The following SPTBN4 variants were observed in gnomAD, a reference collection of about 807,000 sequenced individuals.
The protein encoded by SPTBN4 is spectrin beta chain, non-erythrocytic 4.
In SPTBN4, 96 loss-of-function variants were observed where a neutral mutation model predicts 277.8. The ratio of observed to expected loss-of-function variants is 0.35; its 90% confidence interval spans 0.29 to 0.41. The LOEUF (loss-of-function observed/expected upper bound fraction) is 0.41. Among genes scored for constraint, SPTBN4 ranks in the 10% least tolerant of loss-of-function variants. The pLI, the probability that SPTBN4 is intolerant of heterozygous loss-of-function variation, is 1.00. For missense variants in SPTBN4, 3,006 were observed against 3,595.7 expected (o/e 0.84, Z 4.19); for synonymous variants, 1,481 against 1,580.3 (o/e 0.94, Z 1.49).
chr19:40,504,658 G>A (rs2080304093), intron 12 of SPTBN4, among the ~76,000 whole-genome samples: 1 of 149,194 alleles, frequency 6.7e-6, no homozygotes, highest in Non-Finnish European at 1.5e-5. Flanking sequence ...GACAGAGCGA[G>A]ACTCCGTCTC....
intron 17 of SPTBN4, among the ~76,000 whole-genome samples, chr19:40,526,040 C>T (rs1426373678): frequency 6.6e-6 from 1 of 152,100 alleles, no homozygotes; most frequent in Non-Finnish European, 1.5e-5. Flanking sequence ...GAGCTGGGGA[C>T]TGGGGCCCTG....
At chr19:40,553,696 G>T (rs2080943695) in intron 22 of SPTBN4, among the ~76,000 whole-genome samples, 1 of 152,202 alleles carries the variant, frequency 6.6e-6, no homozygotes, top group Non-Finnish European at 1.5e-5. Context: ...TCCGCACGCT[G>T]ATCTGGGCAC....
chr19:40,533,991 C>G, intron 19 of SPTBN4, 89 bp from the exon 20 acceptor site: 1 of 1,446,754 alleles, frequency 6.9e-7, no homozygotes, highest in African/African-American at 1.4e-5. Context: ...ACATCCTTCC[C>G]TGTGTCCTGT....
At chr19:40,570,832 C>T in intron 33 of SPTBN4, 104 bp downstream of exon 33, 1 of 1,287,790 alleles carries the variant, frequency 7.8e-7, no homozygotes, top group Non-Finnish European at 1.0e-6. Context: ...TTCAGGCCCT[C>T]CAGCAGGTGG....
At chr19:40,570,853 T>G (rs2081149415) in intron 33 of SPTBN4, 125 bp downstream of exon 33, 26 of 863,128 alleles carry the variant, frequency 3.0e-5, no homozygotes, top group South Asian at 1.9e-4. Context: ...CGGTAGTAGG[T>G]GGGGCCAGAG....
chr19:40,524,345 TAA>T (rs879363418), intron 17 of SPTBN4, among the ~76,000 whole-genome samples: 34 of 132,056 alleles, frequency 2.6e-4, no homozygotes, highest in Admixed American at 3.8e-4. Context: ...TCTCTAAAAT[TAA>T]AAAAAAAAAA....
chr19:40,571,965 A>C, intron 33 of SPTBN4, 54 bp from the exon 34 acceptor site: 4 of 1,486,292 alleles, frequency 2.7e-6, no homozygotes, highest in Non-Finnish European at 3.6e-6. Flanking sequence ...GTTAATGAAG[A>C]GTTATTAGGC....
At chr19:40,487,620 G>A in intron 2 of SPTBN4, 77 bp from the exon 3 acceptor site, 1 of 1,531,160 alleles carries the variant, frequency 6.5e-7, no homozygotes, top group East Asian at 2.3e-5. Context: ...AGAGAGCTGG[G>A]TCTGAGCAGG....
At chr19:40,507,831 C>G (rs960324178) in intron 13 of SPTBN4, among the ~76,000 whole-genome samples, 1 of 152,144 alleles carries the variant, frequency 6.6e-6, no homozygotes, top group Non-Finnish European at 1.5e-5. Context: ...AGCGAGACTC[C>G]TTCTCAAAAC....
intron 2 of SPTBN4, among the ~76,000 whole-genome samples, chr19:40,474,670 C>T (rs1440163862): frequency 1.3e-5 from 2 of 151,976 alleles, no homozygotes; most frequent in Admixed American, 6.6e-5. Flanking sequence ...GAGGCTGAGG[C>T]GGATGGATCA....
intron 18 of SPTBN4, among the ~76,000 whole-genome samples, chr19:40,529,696 C>T (rs2090218893): frequency 6.6e-6 from 1 of 152,140 alleles, no homozygotes; most frequent in South Asian, 2.1e-4. Flanking sequence ...TCTTCCCCTC[C>T]TTCCCTTGCA....
chr19:40,571,890 A>G, intron 33 of SPTBN4, 129 bp from the exon 34 acceptor site: 1 of 1,080,250 alleles, frequency 9.3e-7, no homozygotes, highest in South Asian at 2.1e-5. Context: ...AGGTCCAACT[A>G]GGGCGCAACT....
At chr19:40,505,729 AG>A (rs1215198004) in intron 12 of SPTBN4, among the ~76,000 whole-genome samples, 3 of 151,170 alleles carry the variant, frequency 2.0e-5, no homozygotes, top group African/African-American at 7.3e-5. Context: ...GAAGGAAGGA[AG>A]GAAGGAAGGA....
At chr19:40,513,660 C>A in intron 14 of SPTBN4, 106 bp downstream of exon 14, 1 of 1,201,886 alleles carries the variant, frequency 8.3e-7, no homozygotes, top group Non-Finnish European at 1.1e-6. Flanking sequence ...CTAGGAGTTC[C>A]AATCCCTGCT....
Position 40,504,141 on chromosome 19 carries a change from G to GGC in SPTBN4, c.1665+10_1665+11insCG, listed in dbSNP as rs765921397. 3.9e-6 allele frequency: 5 copies of GGC among 1,280,060 alleles called. No homozygotes were observed. The African/African-American group carries it at 5.2e-5, about 13-fold the overall frequency. The allele number at this position is 1,280,060 out of a possible 1,614,324, so 79.3% of individuals were successfully genotyped here. A position where few individuals can be genotyped will look rare whatever the true frequency, so the allele number is the denominator to read the frequency against. ...GGATGGAGGAGATGCAGGTGCCGGC[G>GGC]GGGGGGCGGGGATGCGGGTGGAGTG... On this transcript the variant is annotated intron_variant, in intron 12 of 35. Coordinates refer to ENST00000598249, the MANE Select transcript of SPTBN4 (RefSeq NM_020971.3).
chr19:40,552,488 AAAAG>A (rs1396118802), intron 22 of SPTBN4, among the ~76,000 whole-genome samples: 2 of 152,000 alleles, frequency 1.3e-5, no homozygotes, highest in African/African-American at 2.4e-5. Context: ...TAAAAAAAAA[AAAAG>A]ATTTACTGTG....
chr19:40,561,480 C>G (rs1024508008), intron 27 of SPTBN4, among the ~76,000 whole-genome samples: 4 of 152,222 alleles, frequency 2.6e-5, no homozygotes, highest in Admixed American at 2.6e-4. Context: ...AGGCCAAGCA[C>G]TTGCCCTGAG....
Position 40,520,136 on chromosome 19 carries a change from G to T in SPTBN4, c.3639G>T (p.Val1213=). ...LFLRDLRQAL[V]VLRNQEMALS... is the part of the protein sequence containing the mutation. Reference sequence around the variant, plus strand: ...TGCGGGATCTACGCCAGGCGCTCGTGGTGCTGCGTAACCAGGTGCCCACTC... The same window carrying T: ...TGCGGGATCTACGCCAGGCGCTCGTTGTGCTGCGTAACCAGGTGCCCACTC... The change falls in exon 16 of 36, where the codon GTG becomes GTT. Residue 1213 remains valine (V), a synonymous_variant. Transcript: ENST00000598249. 6.9e-7 allele frequency: 1 copy of T among 1,443,584 alleles called. No individual in the cohort carries two copies. The allele number at this position is 1,443,584 out of a possible 1,614,324, so 89.4% of individuals were successfully genotyped here.
At chr19:40,491,109 A>C (rs147913621) in intron 4 of SPTBN4, among the ~76,000 whole-genome samples, 25 of 152,300 alleles carry the variant, frequency 1.6e-4, no homozygotes, top group African/African-American at 6.0e-4. Context: ...ATAAAATGTC[A>C]GTTGGTGGTG....
Sources: allele counts gnomAD v4.1 joint callset (sites outside exome capture counted in the v4.1 genomes callset), GRCh38; gene constraint gnomAD v4.1.1; transcripts MANE v1.5; gene names NCBI Gene and HGNC (gene_info 2026-07-23, HGNC 2026-07-21).